Variants in JAM3 observed in about 807,000 individuals in gnomAD.
The protein encoded by JAM3 is junctional adhesion molecule 3.
JAM3 carries 31 observed loss-of-function variants against 39.4 expected under a neutral mutation model. The ratio of observed to expected loss-of-function variants is 0.79; its 90% confidence interval spans 0.59 to 1.06. The LOEUF (loss-of-function observed/expected upper bound fraction) is 1.06, where lower values mean the gene tolerates loss of function less well. Ranked by LOEUF, JAM3 falls within the 50% of genes least tolerant of loss-of-function variation. JAM3 has a pLI of 0.00. For missense variants in JAM3, 455 were observed against 391.4 expected, an observed-to-expected ratio of 1.16 and a Z score of -1.37; for synonymous variants, 182 against 148.7, an observed-to-expected ratio of 1.22 and a Z score of -1.63.
chr11:134,135,914 C>CA (rs1418945691), intron 1 of JAM3, among the ~76,000 whole-genome samples: 1 of 151,802 alleles, frequency 6.6e-6, no homozygotes, highest in Non-Finnish European at 1.5e-5. Flanking sequence ...ACTAAAAATG[C>CA]AAAAAATTAG....
At chr11:134,083,775 G>T (rs1242771914) in intron 1 of JAM3, among the ~76,000 whole-genome samples, 1 of 152,112 alleles carries the variant, frequency 6.6e-6, no homozygotes, top group East Asian at 1.9e-4. Flanking sequence ...TACCTCCTCT[G>T]TAGTGGAGTA....
At chr11:134,124,511 AG>A (rs1313077399) in intron 1 of JAM3, among the ~76,000 whole-genome samples, 1 of 152,176 alleles carries the variant, frequency 6.6e-6, no homozygotes, top group Admixed American at 6.5e-5. Flanking sequence ...AGATAAGCAA[AG>A]TATTTAGAAT....
chr11:134,129,835 C>T (rs1185622660), intron 1 of JAM3, among the ~76,000 whole-genome samples: 3 of 152,098 alleles, frequency 2.0e-5, no homozygotes, highest in Non-Finnish European at 4.4e-5. Context: ...AACCCCATCT[C>T]TACTAAAATA....
chr11:134,125,748 C>G (rs371801496), intron 1 of JAM3, among the ~76,000 whole-genome samples: 1 of 152,234 alleles, frequency 6.6e-6, no homozygotes, highest in African/African-American at 2.4e-5. Context: ...CCCAGCAGCA[C>G]TGTGTGCTCA....
intron 6 of JAM3, chr11:134,147,828 T>C (rs1341500300): frequency 1.3e-5 from 2 of 152,854 alleles, no homozygotes; most frequent in Admixed American, 6.5e-5. Context: ...TGAGAACCAA[T>C]ACACTAGGAT....
In JAM3 at chr11:134,151,228, T is replaced by C. The variant is rs1943223013; in HGVS notation, c.*2047T>C. On this transcript the variant is annotated 3_prime_UTR_variant, in exon 9 of 9. Transcript: ENST00000299106. The stretch of plus-strand genomic sequence containing the variant: ...GCATACATGAGACTGTGTTGACTTT[T>C]TTTAGTTATGTGAAACACTTTGCCG... 6.6e-6 allele frequency: 1 copy of C among 152,240 alleles called. No individual in the cohort carries two copies. Among genetic ancestry groups the C allele is most frequent in the African/African-American group, 2.4e-5 (1 of 41,466 alleles). 9.4% of individuals were successfully genotyped at this position (152,240 alleles called of 1,614,324 possible).
chr11:134,135,797 G>A (rs570362344), intron 1 of JAM3, among the ~76,000 whole-genome samples: 19 of 152,146 alleles, frequency 1.2e-4, no homozygotes, highest in Middle Eastern at 3.4e-3. Flanking sequence ...GGCCAGGCGC[G>A]GTGGCCCACC....
intron 1 of JAM3, among the ~76,000 whole-genome samples, chr11:134,096,955 A>G (rs1273735916): frequency 6.6e-6 from 1 of 150,464 alleles, no homozygotes; most frequent in Non-Finnish European, 1.5e-5. Flanking sequence ...ACATTTTGCT[A>G]ACATGTGGCA....
intron 1 of JAM3, among the ~76,000 whole-genome samples, chr11:134,086,877 C>T (rs1941753697): frequency 2.0e-5 from 3 of 151,940 alleles, no homozygotes; most frequent in Non-Finnish European, 4.4e-5. Flanking sequence ...GAACACGGTT[C>T]GCTGCAGCCT....
intron 1 of JAM3, among the ~76,000 whole-genome samples, chr11:134,094,980 T>C (rs2120657318): frequency 6.6e-6 from 1 of 152,366 alleles, no homozygotes. Context: ...GTAACACGTA[T>C]GTTAAAAGAT....
intron 1 of JAM3, among the ~76,000 whole-genome samples, chr11:134,122,664 CAAG>C (rs988460362): frequency 2.0e-5 from 3 of 152,152 alleles, no homozygotes; most frequent in African/African-American, 7.2e-5. Flanking sequence ...CTAGTAATAA[CAAG>C]GCAATCAATG....
rs1226408905 is a variant in JAM3, at chr11:134,151,438, G to A, written c.*2257G>A. ...TCCAGCCTCCTTCTTGGTTGTCATA[G>A]TGATAGGGTAGCCTTATTGCCCCCT... is the stretch of plus-strand genomic sequence containing the variant. On this transcript the variant is annotated 3_prime_UTR_variant, in exon 9 of 9. Transcript: ENST00000299106. 6.6e-6 allele frequency: 1 copy of A among 152,194 alleles called. No homozygotes were observed. The highest frequency in any genetic ancestry group is 6.5e-5 in the Admixed American group (1 of 15,276). 9.4% of individuals were successfully genotyped at this position (152,194 alleles called of 1,614,324 possible).
intron 1 of JAM3, among the ~76,000 whole-genome samples, chr11:134,118,967 A>G (rs1318893343): frequency 2.7e-5 from 3 of 110,990 alleles, no homozygotes; most frequent in Admixed American, 1.8e-4. Context: ...TGCTCAAGAA[A>G]TCTTTTTTTT....
At chr11:134,116,585 C>T (rs1173067887) in intron 1 of JAM3, among the ~76,000 whole-genome samples, 1 of 152,142 alleles carries the variant, frequency 6.6e-6, no homozygotes. Context: ...TGCTCTCTGA[C>T]ACTACAGGGT....
intron 1 of JAM3, among the ~76,000 whole-genome samples, chr11:134,134,250 A>T (rs769744114): frequency 3.5e-4 from 53 of 152,262 alleles, no homozygotes; most frequent in Non-Finnish European, 5.1e-4. Context: ...ACTACAGAAG[A>T]TTAACATACT....
At position 134,076,312 on chromosome 11, in the gene JAM3, G is replaced by A. The variant is rs1022381601; in HGVS notation, c.76+7153G>A. 9.2e-5 allele frequency among the ~76,000 whole-genome samples: 14 copies of A among 151,476 alleles called. No individual in the cohort carries two copies. In the East Asian group the frequency reaches 1.2e-3, roughly 13 times the overall value. On this transcript the variant is annotated intron_variant, in intron 1 of 8. Coordinates refer to ENST00000299106, the MANE Select transcript of JAM3 (RefSeq NM_032801.5). The stretch of plus-strand genomic sequence containing the variant: ...TGGGATTACAGGCGGCCGCCACCAC[G>A]CCTGGCTAATTTTTGTATTTTTAGT...
chr11:134,071,662 A>G (rs1333094319), intron 1 of JAM3, among the ~76,000 whole-genome samples: 1 of 152,250 alleles, frequency 6.6e-6, no homozygotes, highest in African/African-American at 2.4e-5. Context: ...GTGCTGAAGC[A>G]TATCAAAATC....
chr11:134,075,877 C>T (rs973633384), intron 1 of JAM3, among the ~76,000 whole-genome samples: 3 of 152,156 alleles, frequency 2.0e-5, no homozygotes, highest in African/African-American at 4.8e-5. Flanking sequence ...TGCAATTAAA[C>T]ATGTTTAGTC....
At chr11:134,146,916 G>A (rs1191206204) in intron 6 of JAM3, among the ~76,000 whole-genome samples, 1 of 152,112 alleles carries the variant, frequency 6.6e-6, no homozygotes, top group Non-Finnish European at 1.5e-5. Flanking sequence ...GCTCTCCTCA[G>A]AGCAGCATTT....
Sources: allele counts gnomAD v4.1 joint callset (sites outside exome capture counted in the v4.1 genomes callset), GRCh38; gene constraint gnomAD v4.1.1; transcripts MANE v1.5; gene names NCBI Gene and HGNC (gene_info 2026-07-23, HGNC 2026-07-21).